ROBO2: variants seen among roughly 807,000 people sequenced by gnomAD.
ROBO2 encodes roundabout guidance receptor 2.
In ROBO2, 53 loss-of-function variants were observed where a neutral mutation model predicts 160.8. The ratio of observed to expected loss-of-function variants is 0.33; its 90% confidence interval spans 0.26 to 0.41. ROBO2 has a LOEUF of 0.41. Ranked by LOEUF, ROBO2 falls within the 10% of genes least tolerant of loss-of-function variation. The probability of loss-of-function intolerance (pLI) is 1.00; values close to 1 mark genes in which losing one functional copy is unlikely to be tolerated. For missense variants in ROBO2, 1,577 were observed against 1,722.4 expected, an observed-to-expected ratio of 0.92 and a Z score of 1.49; for synonymous variants, 664 against 611.7, an observed-to-expected ratio of 1.09 and a Z score of -1.26.
At chr3:76,903,760 C>T (rs1249750301) in intron 2 of ROBO2, among the ~76,000 whole-genome samples, 1 of 152,118 alleles carries the variant, frequency 6.6e-6, no homozygotes, top group Non-Finnish European at 1.5e-5. Flanking sequence ...ACGATAGGCA[C>T]AGAATTCCCC....
chr3:76,415,037 C>T (rs1008054900), intron 2 of ROBO2, among the ~76,000 whole-genome samples: 18 of 152,182 alleles, frequency 1.2e-4, no homozygotes, highest in South Asian at 6.2e-4. Flanking sequence ...AAAAATAAGA[C>T]GAAAAGACCT....
intron 2 of ROBO2, among the ~76,000 whole-genome samples, chr3:76,026,105 C>G (rs2066736044): frequency 1.3e-5 from 2 of 151,842 alleles, no homozygotes; most frequent in South Asian, 4.1e-4. Flanking sequence ...AGTACCTTGC[C>G]TACAGTAGTC....
rs13066855 is a variant in ROBO2, at chr3:77,405,456, T to A, written c.389-71958T>A. On this transcript the variant is annotated intron_variant, in intron 2 of 25. Coordinates refer to ENST00000461745, the Ensembl canonical transcript of ROBO2. ...CATATCTATCTTCATATTCTAATTA[T>A]GATTAAGTTTTAAATAGCAGTTATG... is the stretch of plus-strand genomic sequence containing the variant. Among the ~76,000 whole-genome samples, 587 of 152,228 alleles carry A rather than the reference T, an allele frequency of 3.9e-3. 3 individuals carry two copies. The highest frequency in any genetic ancestry group is 0.02 in the Middle Eastern group (6 of 294).
At chr3:76,743,143 T>G (rs979301118) in intron 2 of ROBO2, among the ~76,000 whole-genome samples, 12 of 152,120 alleles carry the variant, frequency 7.9e-5, no homozygotes, top group African/African-American at 2.9e-4. Flanking sequence ...ATACAAGTCT[T>G]GGGCTTCACT....
At chr3:77,532,386 A>G (rs2091807513) in intron 6 of ROBO2, among the ~76,000 whole-genome samples, 1 of 152,046 alleles carries the variant, frequency 6.6e-6, no homozygotes, top group Admixed American at 6.6e-5. Context: ...GCTCAGTTAT[A>G]TCTTGGTAAT....
chr3:76,255,162 C>T (rs757625964), intron 2 of ROBO2, among the ~76,000 whole-genome samples: 3 of 152,034 alleles, frequency 2.0e-5, no homozygotes, highest in African/African-American at 7.2e-5. Flanking sequence ...ATAAATAAAT[C>T]GACCTGTAGC....
At chr3:76,647,256 T>A (rs1015805861) in intron 2 of ROBO2, among the ~76,000 whole-genome samples, 1 of 152,148 alleles carries the variant, frequency 6.6e-6, no homozygotes, top group Non-Finnish European at 1.5e-5. Flanking sequence ...AAATGCAAAC[T>A]GGATTCCACT....
chr3:77,053,747 A>C (rs1224477080), intron 1 of ROBO2, among the ~76,000 whole-genome samples: 1 of 152,308 alleles, frequency 6.6e-6, no homozygotes, highest in East Asian at 1.9e-4. Context: ...AGTAAAAACT[A>C]ATGCTTTATT....
chr3:77,347,840 C>A (rs919365456), intron 2 of ROBO2, among the ~76,000 whole-genome samples: 2 of 152,028 alleles, frequency 1.3e-5, no homozygotes, highest in Non-Finnish European at 2.9e-5. Context: ...ACCTTCTTGC[C>A]CAAATCCTTT....
At chr3:76,268,173 G>T (rs574382780) in intron 2 of ROBO2, among the ~76,000 whole-genome samples, 2 of 152,222 alleles carry the variant, frequency 1.3e-5, no homozygotes, top group East Asian at 3.9e-4. Context: ...AGGAGACGGA[G>T]GTGGGAGGAT....
intron 2 of ROBO2, among the ~76,000 whole-genome samples, chr3:77,406,368 T>C (rs1021494012): frequency 1.3e-5 from 2 of 152,210 alleles, no homozygotes; most frequent in Non-Finnish European, 2.9e-5. Flanking sequence ...TTCTCCAGAA[T>C]ATTTGTGTTG....
chr3:76,310,761 A>G (rs1476749429), intron 2 of ROBO2, among the ~76,000 whole-genome samples: 4 of 152,198 alleles, frequency 2.6e-5, no homozygotes, highest in African/African-American at 9.7e-5. Context: ...AGCAGGCGTT[A>G]TCCGTGGCGG....
chr3:77,042,248 G>A (rs1471485898), intron 1 of ROBO2, among the ~76,000 whole-genome samples: 1 of 152,114 alleles, frequency 6.6e-6, no homozygotes, highest in Non-Finnish European at 1.5e-5. Flanking sequence ...ATTATACTAT[G>A]GCAACATCTC....
At chr3:77,476,859 C>T (rs1398218262) in intron 2 of ROBO2, among the ~76,000 whole-genome samples, 1 of 152,104 alleles carries the variant, frequency 6.6e-6, no homozygotes, top group Non-Finnish European at 1.5e-5. Flanking sequence ...TGTAGCCCTG[C>T]GTATGTGGGT....
intron 2 of ROBO2, among the ~76,000 whole-genome samples, chr3:77,134,199 T>G (rs1311011720): frequency 6.6e-6 from 1 of 151,590 alleles, no homozygotes; most frequent in Non-Finnish European, 1.5e-5. Context: ...AAAAGAAACA[T>G]AAAAACAAGG....
At chr3:76,119,692 A>G (rs1246693616) in intron 2 of ROBO2, among the ~76,000 whole-genome samples, 1 of 152,052 alleles carries the variant, frequency 6.6e-6, no homozygotes, top group Admixed American at 6.6e-5. Context: ...ATGTCATATT[A>G]TCATAGGAAA....
intron 2 of ROBO2, among the ~76,000 whole-genome samples, chr3:76,126,628 C>G (rs372090469): frequency 6.6e-6 from 1 of 152,034 alleles, no homozygotes; most frequent in African/African-American, 2.4e-5. Flanking sequence ...ATTCATGACT[C>G]CTATTAAACC....
rs183858273 is a variant in ROBO2, at chr3:77,596,626, T to C, written c.2730T>C (p.Arg910=). 656 of 1,613,894 alleles carry C rather than the reference T, an allele frequency of 4.1e-4. 3 individuals are homozygous for C. In the African/African-American group the frequency reaches 8.0e-3, roughly 20 times the overall value. ...TTCCTTGTAATTTCTGTTTTAGCCG[T>C]CCAGGTCTTCTCAATGCTGGTGATC... Residue 910 remains arginine (R), a synonymous_variant, in exon 19 of 26, where the codon CGT becomes CGC. Transcript: ENST00000461745.
At chr3:75,951,849 G>A (rs112296957) in intron 2 of ROBO2, among the ~76,000 whole-genome samples, 2 of 151,870 alleles carry the variant, frequency 1.3e-5, no homozygotes, top group Admixed American at 1.3e-4. Context: ...TTATCTGATA[G>A]CTCCCTTGTG....
Sources: gnomAD v4.1 joint callset for allele counts (sites outside exome capture counted in the v4.1 genomes callset) on GRCh38, gnomAD v4.1.1 for gene constraint, MANE v1.5 for transcripts, NCBI Gene and HGNC (gene_info 2026-07-23, HGNC 2026-07-21) for gene names.